The following SEMA3D variants were observed in gnomAD, a reference collection of about 807,000 sequenced individuals.
SEMA3D encodes semaphorin-3D.
In SEMA3D, 84 loss-of-function variants were observed where a neutral mutation model predicts 100.1. The ratio of observed to expected loss-of-function variants is 0.84; its 90% confidence interval spans 0.70 to 1.01. The LOEUF is 1.01. SEMA3D is among the 50% of genes least tolerant of loss of function. SEMA3D has a pLI of 0.00. For missense variants in SEMA3D, 875 were observed against 934.1 expected (o/e 0.94, Z 0.82); for synonymous variants, 312 against 320.7 (o/e 0.97, Z 0.29).
chr7:85,095,291 T>A (rs746316782), intron 4 of SEMA3D, among the ~76,000 whole-genome samples: 1 of 152,034 alleles, frequency 6.6e-6, no homozygotes, highest in Non-Finnish European at 1.5e-5. Flanking sequence ...CAAATATGAA[T>A]GATAATGGCC....
At chr7:85,227,105 A>AT in the SEMA3D span, among the ~76,000 whole-genome samples, 44 of 152,186 alleles carry the variant, frequency 2.9e-4, no homozygotes, top group African/African-American at 1.0e-3. Context: ...TTGTATTTAT[A>AT]TTTTTTGCTG....
the SEMA3D span, among the ~76,000 whole-genome samples, chr7:85,231,230 C>G: frequency 2.6e-5 from 4 of 152,092 alleles, no homozygotes; most frequent in South Asian, 8.3e-4. Flanking sequence ...GTAGCGTCTA[C>G]TTTATCGTAC....
At chr7:85,049,807 A>AC (rs905207145) in intron 9 of SEMA3D, among the ~76,000 whole-genome samples, 3 of 151,748 alleles carry the variant, frequency 2.0e-5, no homozygotes, top group African/African-American at 7.3e-5. Context: ...TATTAATGAG[A>AC]CCCCCAGGCA....
intron 2 of SEMA3D, among the ~76,000 whole-genome samples, chr7:85,152,523 A>T (rs1314595702): frequency 6.6e-6 from 1 of 152,112 alleles, no homozygotes; most frequent in Admixed American, 6.6e-5. Flanking sequence ...CTTATAGTAA[A>T]AGAAAAATGA....
chr7:85,042,384 T>C, intron 9 of SEMA3D, 99 bp from the exon 10 acceptor site: 1 of 819,994 alleles, frequency 1.2e-6, no homozygotes, highest in South Asian at 1.6e-5. Flanking sequence ...TTGATGTCAT[T>C]GTTTACAAAG....
chr7:85,175,775 T>C (rs963256140), intron 1 of SEMA3D, among the ~76,000 whole-genome samples: 1 of 151,978 alleles, frequency 6.6e-6, no homozygotes, highest in South Asian at 2.1e-4. Context: ...AAGAAACATA[T>C]AACAATGAAT....
intron 2 of SEMA3D, among the ~76,000 whole-genome samples, chr7:85,136,486 C>G (rs1789871356): frequency 2.0e-5 from 3 of 152,008 alleles, no homozygotes; most frequent in Admixed American, 2.0e-4. Context: ...ATCTATTGAT[C>G]AATCAATGTA....
chr7:85,060,673 T>A (rs1256323950), intron 8 of SEMA3D, among the ~76,000 whole-genome samples: 1 of 152,122 alleles, frequency 6.6e-6, no homozygotes, highest in African/African-American at 2.4e-5. Flanking sequence ...TTTCTCCCTA[T>A]GAAACTCTTT....
chr7:85,156,322 C>T (rs1790595853), intron 1 of SEMA3D, among the ~76,000 whole-genome samples: 1 of 151,908 alleles, frequency 6.6e-6, no homozygotes, highest in Admixed American at 6.6e-5. Context: ...AGGATGGTCT[C>T]TATCTCCTGA....
chr7:85,130,629 C>T (rs968368212), intron 2 of SEMA3D, among the ~76,000 whole-genome samples: 2 of 152,114 alleles, frequency 1.3e-5, no homozygotes, highest in Admixed American at 1.3e-4. Flanking sequence ...GAATCCCTGA[C>T]TCAGTAAATA....
chr7:85,172,818 G>A (rs1376888889), intron 1 of SEMA3D, among the ~76,000 whole-genome samples: 1 of 152,050 alleles, frequency 6.6e-6, no homozygotes, highest in Non-Finnish European at 1.5e-5. Flanking sequence ...ACTGCACTAT[G>A]GAGAATGTTA....
At chr7:85,078,916 T>A (rs141840024) in intron 5 of SEMA3D, among the ~76,000 whole-genome samples, 3 of 152,338 alleles carry the variant, frequency 2.0e-5, no homozygotes, top group African/African-American at 7.2e-5. Context: ...CAGAGCTGTC[T>A]CAGTTTTCTG....
chr7:85,199,560 C>G, the SEMA3D span, among the ~76,000 whole-genome samples: 2 of 152,078 alleles, frequency 1.3e-5, no homozygotes, highest in Admixed American at 1.3e-4. Flanking sequence ...AATCTATCTT[C>G]TCTTATTTAC....
the SEMA3D span, among the ~76,000 whole-genome samples, chr7:85,223,624 C>T: frequency 5.3e-5 from 8 of 151,586 alleles, no homozygotes; most frequent in African/African-American, 9.7e-5. Flanking sequence ...GCAAGTTGGA[C>T]GGACTTGGAG....
intron 2 of SEMA3D, chr7:85,142,724 T>G: frequency 2.0e-6 from 2 of 983,544 alleles, no homozygotes; most frequent in Non-Finnish European, 2.4e-6. Context: ...ATGTTTTCTT[T>G]AATTTTATGG....
Position 85,061,814 on chromosome 7 carries a change from A to G in SEMA3D, c.718+3610T>C, listed in dbSNP as rs544584727. On this transcript the variant is annotated intron_variant, in intron 8 of 18. Coordinates refer to ENST00000284136, the MANE Select transcript of SEMA3D (RefSeq NM_001384900.1). Reference sequence around the variant, plus strand: ...ATCTCCTGAAGCATTGTGCTCTTCTAGCTCTGGCCTGCCTTTCCCTCAGCA... The same window carrying G: ...ATCTCCTGAAGCATTGTGCTCTTCTGGCTCTGGCCTGCCTTTCCCTCAGCA... 2.6e-5 allele frequency among the ~76,000 whole-genome samples: 4 copies of G among 152,262 alleles called. No individual in the cohort carries two copies. The East Asian group carries it at 7.7e-4, about 29-fold the overall frequency.
the SEMA3D span, among the ~76,000 whole-genome samples, chr7:85,207,046 T>C: frequency 2.5e-4 from 38 of 152,180 alleles, no homozygotes; most frequent in African/African-American, 8.7e-4. Flanking sequence ...ATTTATGGCA[T>C]GGAAAATCAG....
At chr7:85,162,073 TA>T (rs1790758463) in intron 1 of SEMA3D, among the ~76,000 whole-genome samples, 1 of 151,978 alleles carries the variant, frequency 6.6e-6, no homozygotes, top group Non-Finnish European at 1.5e-5. Flanking sequence ...TCCCAATTTG[TA>T]AAACGTGTTT....
At chr7:85,084,118 G>A (rs1224906102) in intron 4 of SEMA3D, among the ~76,000 whole-genome samples, 1 of 151,820 alleles carries the variant, frequency 6.6e-6, no homozygotes, top group Non-Finnish European at 1.5e-5. Context: ...CTGCACCCCA[G>A]CCTGGGCGAC....
Sources: allele counts gnomAD v4.1 joint callset (sites outside exome capture counted in the v4.1 genomes callset), GRCh38; gene constraint gnomAD v4.1.1; transcripts MANE v1.5; gene names NCBI Gene and HGNC (gene_info 2026-07-23, HGNC 2026-07-21).